Variants in GRHL2 observed in about 807,000 individuals in gnomAD.
GRHL2 encodes grainyhead like transcription factor 2.
In GRHL2, 21 loss-of-function variants were observed where a neutral mutation model predicts 83.8. The ratio of observed to expected loss-of-function variants is 0.25; its 90% CI spans 0.18 to 0.36. The LOEUF (loss-of-function observed/expected upper bound fraction) is 0.36. Among genes scored for constraint, GRHL2 ranks in the 10% least tolerant of loss-of-function variants. GRHL2 has a pLI of 1.00. For missense variants in GRHL2, 623 were observed against 781.8 expected (o/e 0.80, Z 2.42); for synonymous variants, 280 against 278.9 (o/e 1.00, Z -0.04).
intron 1 of GRHL2, among the ~76,000 whole-genome samples, chr8:101,540,061 T>C (rs976224332): frequency 1.3e-5 from 2 of 152,114 alleles, no homozygotes; most frequent in Admixed American, 6.5e-5. Context: ...AACTTCAATT[T>C]CCCTTCAATT....
chr8:101,631,855 C>T, intron 10 of GRHL2, 131 bp downstream of exon 10: 1 of 764,110 alleles, frequency 1.3e-6, no homozygotes, highest in Non-Finnish European at 2.3e-6. Flanking sequence ...TTTCCCCTGG[C>T]AGTGGAGACA....
Position 101,666,721 on chromosome 8 carries a change from G to A in GRHL2, c.*18G>A, listed in dbSNP as rs746635409. ...AAATCTAGCCCTGGGTTTGGCATCCGCTTTGGCTGGAGCTCTCAGTGCGTT... is the reference window on the plus strand; with the variant it reads ...AAATCTAGCCCTGGGTTTGGCATCCACTTTGGCTGGAGCTCTCAGTGCGTT... On this transcript the variant is annotated 3_prime_UTR_variant, in exon 16 of 16. Coordinates refer to ENST00000646743, the MANE Select transcript of GRHL2 (RefSeq NM_024915.4). The A allele has an allele frequency of 9.1e-5, 135 of 1,489,768 alleles. No homozygotes were observed. Among genetic ancestry groups the A allele is most frequent in the Non-Finnish European group, 1.1e-4 (118 of 1,067,268 alleles). The allele number at this position is 1,489,768 out of a possible 1,614,324, so 92.3% of individuals were successfully genotyped here.
At chr8:101,555,953 T>G (rs1811480834) in intron 3 of GRHL2, among the ~76,000 whole-genome samples, 1 of 152,140 alleles carries the variant, frequency 6.6e-6, no homozygotes, top group Non-Finnish European at 1.5e-5. Flanking sequence ...GCCCAGTTCT[T>G]GGAAGAACAT....
chr8:101,566,572 TAATATA>T (rs201540775), intron 4 of GRHL2, among the ~76,000 whole-genome samples: 7,668 of 148,010 alleles, frequency 0.052, 283 homozygotes, highest in Non-Finnish European at 0.086. Flanking sequence ...ATAACTATAA[TAATATA>T]AATATAATAA....
intron 1 of GRHL2, among the ~76,000 whole-genome samples, chr8:101,507,129 G>C (rs1325720636): frequency 6.6e-6 from 1 of 152,134 alleles, no homozygotes; most frequent in African/African-American, 2.4e-5. Flanking sequence ...AAAATAAATT[G>C]AGATACTCAT....
intron 1 of GRHL2, among the ~76,000 whole-genome samples, chr8:101,509,805 C>T (rs1435750624): frequency 6.6e-6 from 1 of 151,844 alleles, no homozygotes; most frequent in Non-Finnish European, 1.5e-5. Flanking sequence ...TTCATGTGAT[C>T]CAAGCTATAT....
chr8:101,534,794 T>C (rs754001927), intron 1 of GRHL2, among the ~76,000 whole-genome samples: 8 of 152,168 alleles, frequency 5.3e-5, no homozygotes, highest in Non-Finnish European at 1.0e-4. Context: ...TGACTTCAAG[T>C]ATTGCAACTA....
At chr8:101,496,201 G>C (rs1255411686) in intron 1 of GRHL2, among the ~76,000 whole-genome samples, 1 of 150,476 alleles carries the variant, frequency 6.6e-6, no homozygotes, top group African/African-American at 2.4e-5. Flanking sequence ...CCTACTCATC[G>C]CATTTTTGCT....
intron 12 of GRHL2, among the ~76,000 whole-genome samples, chr8:101,638,288 A>C (rs972062939): frequency 4.6e-5 from 7 of 152,232 alleles, no homozygotes; most frequent in Non-Finnish European, 1.0e-4. Context: ...TTGGCAAACT[A>C]TAGCCAGAGG....
At chr8:101,644,752 C>T (rs978695881) in intron 13 of GRHL2, among the ~76,000 whole-genome samples, 4 of 152,160 alleles carry the variant, frequency 2.6e-5, no homozygotes, top group Middle Eastern at 3.2e-3. Flanking sequence ...TGCCCTTCCT[C>T]GGAGTAAGAG....
chr8:101,599,300 G>A, intron 8 of GRHL2, 149 bp downstream of exon 8: 3 of 688,182 alleles, frequency 4.4e-6, no homozygotes, highest in South Asian at 1.6e-5. Flanking sequence ...GGGAGAAAAG[G>A]GAGTGTGCTC....
chr8:101,539,892 C>G (rs1408715972), intron 1 of GRHL2, among the ~76,000 whole-genome samples: 1 of 152,180 alleles, frequency 6.6e-6, no homozygotes, highest in Non-Finnish European at 1.5e-5. Context: ...CATGTCCTTT[C>G]TCACACGCAT....
At chr8:101,494,641 TAATC>T (rs1313404083) in intron 1 of GRHL2, among the ~76,000 whole-genome samples, 1 of 152,206 alleles carries the variant, frequency 6.6e-6, no homozygotes, top group Non-Finnish European at 1.5e-5. Context: ...CTAATTTAAT[TAATC>T]GCGCAATTAA....
chr8:101,532,529 A>C (rs578123192), intron 1 of GRHL2, among the ~76,000 whole-genome samples: 1 of 152,266 alleles, frequency 6.6e-6, no homozygotes, highest in East Asian at 1.9e-4. Flanking sequence ...AGGTGGGCGG[A>C]TCACGAGGTC....
intron 4 of GRHL2, chr8:101,562,506 C>T (rs569924493): frequency 7.2e-6 from 2 of 279,456 alleles, no homozygotes; most frequent in South Asian, 6.0e-5. Context: ...CCGTGTGGGT[C>T]CCCACCAACC....
chr8:101,582,456 G>T (rs1429710519), intron 7 of GRHL2, among the ~76,000 whole-genome samples: 1 of 152,154 alleles, frequency 6.6e-6, no homozygotes, highest in Non-Finnish European at 1.5e-5. Flanking sequence ...ATGGCAGGGA[G>T]ATGAAGCATA....
At chr8:101,647,427 CT>C (rs1813534534) in intron 13 of GRHL2, among the ~76,000 whole-genome samples, 2 of 152,030 alleles carry the variant, frequency 1.3e-5, no homozygotes, top group African/African-American at 2.4e-5. Context: ...CTGTTGGGGG[CT>C]GCAGAGAGAA....
chr8:101,518,250 A>G (rs1810611685), intron 1 of GRHL2, among the ~76,000 whole-genome samples: 1 of 152,186 alleles, frequency 6.6e-6, no homozygotes, highest in Admixed American at 6.5e-5. Context: ...TTCTACAAAA[A>G]ATGCAAAAAA....
intron 9 of GRHL2, among the ~76,000 whole-genome samples, chr8:101,626,090 T>A (rs1266208706): frequency 1.3e-5 from 2 of 152,098 alleles, no homozygotes; most frequent in Non-Finnish European, 2.9e-5. Context: ...AAGTTTAATT[T>A]TTATACTTTT....
Sources: allele counts gnomAD v4.1 joint callset (sites outside exome capture counted in the v4.1 genomes callset), GRCh38; gene constraint gnomAD v4.1.1; transcripts MANE v1.5; gene names NCBI Gene and HGNC (gene_info 2026-07-23, HGNC 2026-07-21).